ENOX2: variants seen among roughly 807,000 people sequenced by gnomAD.
The protein encoded by ENOX2 is APK1 antigen.
In ENOX2, 36 loss-of-function variants were observed where a neutral mutation model predicts 45.0. The ratio of observed to expected loss-of-function variants is 0.80; its 90% CI spans 0.61 to 1.06. The LOEUF (loss-of-function observed/expected upper bound fraction) is 1.06, where lower values mean the gene tolerates loss of function less well. Among genes scored for constraint, ENOX2 ranks in the 50% least tolerant of loss-of-function variants. The pLI is 0.00. For synonymous variants in ENOX2, 174 were observed against 152.3 expected, an observed-to-expected ratio of 1.14 and a Z score of -1.05; for missense variants, 423 against 462.5, an observed-to-expected ratio of 0.91 and a Z score of 0.78.
intron 2 of ENOX2, among the ~76,000 whole-genome samples, chrX:130,850,926 A>C (rs1296281758): frequency 3.6e-5 from 4 of 112,586 alleles, no homozygotes; most frequent in South Asian, 7.3e-4. Flanking sequence ...TTTGCACTCA[A>C]AGTCAGCCAG....
intron 2 of ENOX2, among the ~76,000 whole-genome samples, chrX:130,796,966 C>T (rs2077139975): frequency 8.9e-6 from 1 of 112,038 alleles, no homozygotes; most frequent in Non-Finnish European, 1.9e-5. Context: ...CAGGAAGATG[C>T]TCTGTGACAA....
At chrX:130,696,346 G>T (rs1305730460) in intron 4 of ENOX2, among the ~76,000 whole-genome samples, 1 of 111,083 alleles carries the variant, frequency 9.0e-6, no homozygotes, top group Non-Finnish European at 1.9e-5. Context: ...CCCTCCAAAG[G>T]TATTCACCTT....
intron 3 of ENOX2, among the ~76,000 whole-genome samples, chrX:130,775,714 C>G (rs1175906525): frequency 1.8e-5 from 2 of 111,269 alleles, no homozygotes; most frequent in Admixed American, 9.6e-5. Context: ...GCCTTAGACA[C>G]AAGCCATGTT....
chrX:130,649,677 G>T (rs1206509591), intron 10 of ENOX2, among the ~76,000 whole-genome samples: 2 of 111,791 alleles, frequency 1.8e-5, no homozygotes, highest in Non-Finnish European at 3.8e-5. Context: ...TTTTATGATT[G>T]GTTTTATTAT....
intron 2 of ENOX2, among the ~76,000 whole-genome samples, chrX:130,824,618 C>G (rs2077681083): frequency 9.0e-6 from 1 of 111,582 alleles, no homozygotes; most frequent in South Asian, 3.7e-4. Flanking sequence ...AGTTAAAAGA[C>G]AAGCTGCAGG....
At chrX:130,705,914 C>A (rs544658983) in intron 3 of ENOX2, among the ~76,000 whole-genome samples, 85 of 111,572 alleles carry the variant, frequency 7.6e-4, no homozygotes, top group Non-Finnish European at 1.4e-3. Flanking sequence ...ACCCCTTTTT[C>A]TCCAATACAT....
At chrX:130,752,223 T>C (rs1045952818) in intron 3 of ENOX2, among the ~76,000 whole-genome samples, 2 of 109,317 alleles carry the variant, frequency 1.8e-5, no homozygotes, top group African/African-American at 6.7e-5. Context: ...TTTCCTCTAT[T>C]TCCCTGCATG....
intron 5 of ENOX2, among the ~76,000 whole-genome samples, chrX:130,685,406 G>A (rs2037421744): frequency 8.9e-6 from 1 of 111,956 alleles, no homozygotes. Context: ...GTTTTAAAAG[G>A]ATCACTCTGT....
intron 6 of ENOX2, among the ~76,000 whole-genome samples, chrX:130,674,135 T>C (rs1373647105): frequency 9.0e-6 from 1 of 111,137 alleles, no homozygotes; most frequent in Non-Finnish European, 1.9e-5. Flanking sequence ...CACTGGGGAC[T>C]CCAAAAGTGA....
At chrX:130,857,156 A>T (rs2078322760) in intron 2 of ENOX2, among the ~76,000 whole-genome samples, 1 of 112,398 alleles carries the variant, frequency 8.9e-6, no homozygotes, top group Non-Finnish European at 1.9e-5. Flanking sequence ...ATAACGCTCA[A>T]CAACATGGGT....
intron 2 of ENOX2, among the ~76,000 whole-genome samples, chrX:130,899,918 A>G (rs1430045286): frequency 8.9e-6 from 1 of 112,432 alleles, no homozygotes; most frequent in Non-Finnish European, 1.9e-5. Flanking sequence ...GGTAACACTG[A>G]CAAAATAATA....
chrX:130,818,003 T>C (rs2077519493), intron 2 of ENOX2, among the ~76,000 whole-genome samples: 1 of 112,000 alleles, frequency 8.9e-6, no homozygotes, highest in Non-Finnish European at 1.9e-5. Flanking sequence ...GACATGATTG[T>C]ATATTTAGAA....
At chrX:130,685,368 A>T (rs1254597618) in intron 5 of ENOX2, among the ~76,000 whole-genome samples, 1 of 111,979 alleles carries the variant, frequency 8.9e-6, no homozygotes. Flanking sequence ...AAGGGTTCTG[A>T]GTAGAGGAAT....
chrX:130,818,937 A>G (rs762410914), intron 2 of ENOX2, among the ~76,000 whole-genome samples: 1 of 112,383 alleles, frequency 8.9e-6, no homozygotes, highest in Admixed American at 9.4e-5. Context: ...TGAACAGGCA[A>G]CCTACAGAAT....
chrX:130,832,269 A>T (rs1393848695), intron 2 of ENOX2, among the ~76,000 whole-genome samples: 3 of 111,138 alleles, frequency 2.7e-5, no homozygotes, highest in Non-Finnish European at 1.9e-5. Flanking sequence ...TTCAACATCA[A>T]TTTAGAGCTG....
chrX:130,640,620 G>A (rs1435179597), intron 10 of ENOX2, among the ~76,000 whole-genome samples: 1 of 112,192 alleles, frequency 8.9e-6, no homozygotes, highest in African/African-American at 3.2e-5. Context: ...GATGGAGCTG[G>A]AAGTCATTAT....
chrX:130,695,222 A>G lies in ENOX2; in HGVS notation c.98-6204T>C, dbSNP rs16999752. Among the ~76,000 whole-genome samples, 460 of 111,788 alleles carry G rather than the reference A, an allele frequency of 4.1e-3. 3 individuals are homozygous for G. Among genetic ancestry groups the G allele is most frequent in the African/African-American group, 0.014 (436 of 30,729 alleles). On this transcript the variant is annotated intron_variant, in intron 4 of 14. Coordinates refer to ENST00000394363, the MANE Select transcript of ENOX2 (RefSeq NM_006375.4). Reference sequence around the variant, plus strand: ...CCAGGAGGCTATCCTGGGGTTGCTTATCTCTAAACCCAGAAGTTCCTATTG... The same window carrying G: ...CCAGGAGGCTATCCTGGGGTTGCTTGTCTCTAAACCCAGAAGTTCCTATTG...
chrX:130,800,708 T>C (rs2077202574), intron 2 of ENOX2, among the ~76,000 whole-genome samples: 1 of 112,379 alleles, frequency 8.9e-6, no homozygotes, highest in Admixed American at 9.4e-5. Context: ...TTATTGTTCT[T>C]AAACATAGTT....
intron 3 of ENOX2, among the ~76,000 whole-genome samples, chrX:130,743,174 C>T: frequency 9.0e-6 from 1 of 111,558 alleles, no homozygotes; most frequent in Middle Eastern, 4.7e-3. Flanking sequence ...GGTGGGTGAC[C>T]ATAGAAGAAT....
Sources: gnomAD v4.1 joint callset for allele counts (sites outside exome capture counted in the v4.1 genomes callset) on GRCh38, gnomAD v4.1.1 for gene constraint, MANE v1.5 for transcripts, NCBI Gene and HGNC (gene_info 2026-07-23, HGNC 2026-07-21) for gene names.